Variants in ATF2 observed in about 807,000 individuals in gnomAD.
ATF2 encodes cyclic AMP-dependent transcription factor ATF-2.
In ATF2, 24 loss-of-function variants were observed where a neutral mutation model predicts 60.6. The observed-to-expected ratio is 0.40, with a 90% CI of 0.29 to 0.56. The LOEUF (loss-of-function observed/expected upper bound fraction) is 0.56, where lower values mean the gene tolerates loss of function less well. Among genes scored for constraint, ATF2 ranks in the 20% least tolerant of loss-of-function variants. ATF2 has a pLI of 0.54. For missense variants in ATF2, 433 were observed against 607.7 expected (o/e 0.71, Z 3.02); for synonymous variants, 206 against 215.4 (o/e 0.96, Z 0.38).
intron 10 of ATF2, among the ~76,000 whole-genome samples, chr2:175,107,429 T>C (rs1451471512): frequency 6.6e-6 from 1 of 152,174 alleles, no homozygotes; most frequent in Admixed American, 6.5e-5. Flanking sequence ...GTTTAGTCAA[T>C]AAAATGAAAA....
At chr2:175,082,650 C>A (rs1156857540) in intron 12 of ATF2, among the ~76,000 whole-genome samples, 1 of 152,276 alleles carries the variant, frequency 6.6e-6, no homozygotes, top group Non-Finnish European at 1.5e-5. Flanking sequence ...TCTCACTGCT[C>A]TTCCAACATA....
At chr2:175,096,518 A>C (rs2105604982) in intron 11 of ATF2, among the ~76,000 whole-genome samples, 1 of 152,324 alleles carries the variant, frequency 6.6e-6, no homozygotes, top group Non-Finnish European at 1.5e-5. Flanking sequence ...AATAACAAAG[A>C]GTAATGTTTT....
intron 1 of ATF2, 194 bp downstream of exon 1, chr2:175,167,856 C>T: frequency 2.5e-6 from 1 of 400,766 alleles, no homozygotes; most frequent in Admixed American, 2.9e-5. Flanking sequence ...GTTCCCAAAG[C>T]CCACACCGCG....
chr2:175,130,665 A>C (rs941660683), intron 3 of ATF2, among the ~76,000 whole-genome samples: 1 of 152,164 alleles, frequency 6.6e-6, no homozygotes, highest in Non-Finnish European at 1.5e-5. Flanking sequence ...AAACATCAAC[A>C]TGTCTAAAAA....
intron 3 of ATF2, among the ~76,000 whole-genome samples, chr2:175,131,278 C>G (rs537365530): frequency 2.0e-5 from 3 of 152,104 alleles, no homozygotes; most frequent in Non-Finnish European, 4.4e-5. Flanking sequence ...GTTTCTAGTC[C>G]AACACATAAA....
At chr2:175,113,322 T>C (rs1332211069) in intron 9 of ATF2, among the ~76,000 whole-genome samples, 3 of 151,610 alleles carry the variant, frequency 2.0e-5, no homozygotes, top group African/African-American at 7.3e-5. Flanking sequence ...GCAGGATCCA[T>C]AGCTCACTGC....
intron 1 of ATF2, among the ~76,000 whole-genome samples, chr2:175,157,715 C>G (rs1026047415): frequency 6.6e-6 from 1 of 152,206 alleles, no homozygotes; most frequent in Non-Finnish European, 1.5e-5. Flanking sequence ...TTATCATGGG[C>G]TGGGCACAGT....
intron 12 of ATF2, among the ~76,000 whole-genome samples, chr2:175,089,161 T>G (rs189271898): frequency 1.8e-4 from 26 of 148,492 alleles, no homozygotes; most frequent in Middle Eastern, 3.4e-3. Context: ...GCCTGGGGAA[T>G]AAGAGCAAAA....
chr2:175,094,059 C>G (rs1026755545), intron 11 of ATF2, among the ~76,000 whole-genome samples: 1 of 151,948 alleles, frequency 6.6e-6, no homozygotes, highest in African/African-American at 2.4e-5. Context: ...TTCACAAACC[C>G]CAAAACTGTG....
chr2:175,080,721 C>T lies in ATF2; in HGVS notation c.1230G>A (p.Gln410=). Residue 410 remains glutamine, a synonymous_variant, in exon 13 of 14, where the codon CAG becomes CAA. Coordinates refer to ENST00000264110, the MANE Select transcript of ATF2 (RefSeq NM_001880.4). ...GGCAATCTTTATGAGCCAGAAGAAG[C>T]TGTTTCAGCTGTGCCACTTCATTTC... ...LLRNEVAQLK[Q]LLLAHKDCPV... is the part of the protein sequence containing the mutation. 6.2e-7 allele frequency: 1 copy of T among 1,613,192 alleles called. No individual in the cohort carries two copies. Among genetic ancestry groups the T allele is most frequent in the Non-Finnish European group, 8.5e-7 (1 of 1,179,414 alleles).
Position 175,168,084 on chromosome 2 carries a change from A to G in ATF2, c.-177T>C. On this transcript the variant is annotated 5_prime_UTR_variant, in exon 1 of 14. Coordinates refer to ENST00000264110, the MANE Select transcript of ATF2 (RefSeq NM_001880.4). ...TCACTAGTTCATGATCCTTTCGGTCACCCGCGAGCCCTGAGCACAGCCGTG... is the reference window on the plus strand; with the variant it reads ...TCACTAGTTCATGATCCTTTCGGTCGCCCGCGAGCCCTGAGCACAGCCGTG... 1 of 186,680 alleles carries G rather than the reference A, an allele frequency of 5.4e-6. No homozygotes were observed. Among genetic ancestry groups the G allele is most frequent in the South Asian group, 7.8e-5 (1 of 12,784 alleles). The allele number at this position is 186,680 out of a possible 1,614,324, so 11.6% of individuals were successfully genotyped here.
intron 4 of ATF2, among the ~76,000 whole-genome samples, chr2:175,126,388 A>C (rs1272874617): frequency 6.6e-6 from 1 of 152,196 alleles, no homozygotes; most frequent in East Asian, 1.9e-4. Flanking sequence ...AATTATGGAT[A>C]AGACAAAATG....
intron 13 of ATF2, among the ~76,000 whole-genome samples, chr2:175,075,354 A>G (rs1693220900): frequency 1.3e-5 from 2 of 152,180 alleles, no homozygotes; most frequent in East Asian, 3.8e-4. Flanking sequence ...GATGATTATA[A>G]CACCTGATTC....
intron 4 of ATF2, among the ~76,000 whole-genome samples, chr2:175,122,898 C>T (rs1405318459): frequency 6.6e-6 from 1 of 152,074 alleles, no homozygotes; most frequent in Non-Finnish European, 1.5e-5. Flanking sequence ...ATGAATTCAA[C>T]TTCAATTTAA....
chr2:175,166,268 C>T (rs1295701794), intron 1 of ATF2, among the ~76,000 whole-genome samples: 1 of 152,168 alleles, frequency 6.6e-6, no homozygotes. Flanking sequence ...ATGGCAGTAG[C>T]ATTCTCTCAA....
intron 4 of ATF2, among the ~76,000 whole-genome samples, chr2:175,126,391 A>G (rs1697336637): frequency 6.6e-6 from 1 of 152,176 alleles, no homozygotes; most frequent in Admixed American, 6.5e-5. Context: ...TATGGATAAG[A>G]CAAAATGTAA....
intron 10 of ATF2, among the ~76,000 whole-genome samples, chr2:175,111,228 T>A (rs1419961541): frequency 6.6e-6 from 1 of 152,176 alleles, no homozygotes; most frequent in East Asian, 1.9e-4. Flanking sequence ...AAACCACTCA[T>A]CATTATTAGC....
intron 8 of ATF2, chr2:175,114,422 A>G: frequency 1.6e-6 from 2 of 1,249,776 alleles, no homozygotes; most frequent in Non-Finnish European, 2.0e-6. Flanking sequence ...CTGGTGATGC[A>G]GTAATTTTAT....
chr2:175,118,162 G>T, intron 6 of ATF2, 44 bp from the exon 7 acceptor site: 1 of 1,597,496 alleles, frequency 6.3e-7, no homozygotes, highest in East Asian at 2.2e-5. Context: ...TTCAAAAACA[G>T]TGTGTCTAAA....
Sources: allele counts gnomAD v4.1 joint callset (sites outside exome capture counted in the v4.1 genomes callset), GRCh38; gene constraint gnomAD v4.1.1; transcripts MANE v1.5; gene names NCBI Gene and HGNC (gene_info 2026-07-23, HGNC 2026-07-21).